The following PPP6R2 variants were observed in gnomAD, a reference collection of about 807,000 sequenced individuals.
PPP6R2 encodes protein phosphatase 6 regulatory subunit 2.
Under a neutral mutation model 100.2 loss-of-function variants are expected in PPP6R2, and 62 were observed. The observed-to-expected ratio is 0.62, with a 90% confidence interval of 0.50 to 0.76. The LOEUF (loss-of-function observed/expected upper bound fraction) is 0.76, where lower values mean the gene tolerates loss of function less well. Among genes scored for constraint, PPP6R2 ranks in the 30% least tolerant of loss-of-function variants. The pLI is 0.00. For synonymous variants in PPP6R2, 525 were observed against 514.7 expected (o/e 1.02, Z -0.27); for missense variants, 1,142 against 1,276.3 (o/e 0.89, Z 1.60).
intron 2 of PPP6R2, chr22:50,393,299 CG>C: frequency 1.4e-6 from 1 of 730,868 alleles, no homozygotes; most frequent in South Asian, 6.1e-5. Flanking sequence ...GTGGATGGGC[CG>C]GGTGGCTGGG....
At chr22:50,369,366 T>TA (rs1423561107) in intron 1 of PPP6R2, among the ~76,000 whole-genome samples, 5 of 152,320 alleles carry the variant, frequency 3.3e-5, no homozygotes, top group South Asian at 2.1e-4. Context: ...TAAAAAGTAT[T>TA]ACCTGTTTTA....
chr22:50,338,408 GTA>G (rs367697793), upstream of PPP6R2, among the ~76,000 whole-genome samples: 16,137 of 139,228 alleles, frequency 0.12, 2,832 homozygotes, highest in African/African-American at 0.4. Flanking sequence ...GGTGTGTGTG[GTA>G]TGTGTGTGTA....
rs112135319 is a variant in PPP6R2 at position 50,432,628 on chromosome 22, C to T, written c.1400+299C>T. ...TTTGCCCTCTTGTGGGTCCGCTGTC[C>T]GTTCCTGATCTTCCCCAGGAACTCG... On this transcript the variant is annotated intron_variant, in intron 12 of 23. Coordinates refer to ENST00000612753, the MANE Select transcript of PPP6R2 (RefSeq NM_001242898.2). Among the ~76,000 whole-genome samples, 238 of 152,344 alleles carry T rather than the reference C, an allele frequency of 1.6e-3. 1 individual carries two copies. The highest frequency in any genetic ancestry group is 5.4e-3 in the African/African-American group (226 of 41,580).
intron 8 of PPP6R2, among the ~76,000 whole-genome samples, chr22:50,421,184 C>G (rs1043964020): frequency 1.3e-5 from 2 of 152,120 alleles, no homozygotes; most frequent in African/African-American, 4.8e-5. Flanking sequence ...ACCGTTTTCT[C>G]TAGTTAGGCA....
intron 2 of PPP6R2, among the ~76,000 whole-genome samples, chr22:50,376,562 A>G (rs567105037): frequency 6.6e-6 from 1 of 151,914 alleles, no homozygotes; most frequent in African/African-American, 2.4e-5. Flanking sequence ...GGCTGGGACT[A>G]CAGGCACACA....
At chr22:50,406,424 A>G (rs905423918) in intron 3 of PPP6R2, among the ~76,000 whole-genome samples, 3 of 152,230 alleles carry the variant, frequency 2.0e-5, no homozygotes, top group Non-Finnish European at 4.4e-5. Flanking sequence ...GAGAAAGGTT[A>G]TTTAAAGAAT....
chr22:50,332,406 A>G, the PPP6R2 span, among the ~76,000 whole-genome samples: 2 of 151,382 alleles, frequency 1.3e-5, no homozygotes, highest in African/African-American at 2.4e-5. Flanking sequence ...AATTTTTTGT[A>G]TTTTTAGTAG....
chr22:50,397,168 G>A (rs150969244), intron 3 of PPP6R2, among the ~76,000 whole-genome samples: 97 of 152,222 alleles, frequency 6.4e-4, no homozygotes, highest in African/African-American at 1.8e-3. Flanking sequence ...GGAGACTTCC[G>A]TAAGTAAGCA....
rs185310455 is a variant in PPP6R2, at chr22:50,391,302, G to C, written c.-16-2591G>C. On this transcript the variant is annotated intron_variant, in intron 2 of 23. Coordinates refer to ENST00000612753, the MANE Select transcript of PPP6R2 (RefSeq NM_001242898.2). ...CAAAAAATCAGCTGGGCATGGTGGT[G>C]CATGCCTGTAATCCCAACTACTCAG... Among the ~76,000 whole-genome samples, 139 of 151,218 alleles carry C rather than the reference G, an allele frequency of 9.2e-4. 1 individual carries two copies. Among genetic ancestry groups the C allele is most frequent in the African/African-American group, 3.0e-3 (124 of 41,170 alleles).
At chr22:50,436,919 C>T (rs2064425971) in intron 14 of PPP6R2, 69 bp from the exon 15 acceptor site, 13 of 1,305,284 alleles carry the variant, frequency 1.0e-5, no homozygotes, top group Non-Finnish European at 1.3e-5. Flanking sequence ...TGGTCCTGGG[C>T]GCTGGGCTGG....
chr22:50,348,289 G>A (rs1160259962), intron 1 of PPP6R2, among the ~76,000 whole-genome samples: 2 of 152,166 alleles, frequency 1.3e-5, no homozygotes, highest in African/African-American at 2.4e-5. Context: ...ACATTGGCAC[G>A]TGGACAGCAG....
intron 2 of PPP6R2, among the ~76,000 whole-genome samples, chr22:50,390,126 G>A (rs1178224596): frequency 6.6e-6 from 1 of 151,258 alleles, no homozygotes; most frequent in African/African-American, 2.4e-5. Flanking sequence ...CAAGTAGCTG[G>A]GATTACAGGC....
At chr22:50,422,570 C>T (rs1195907261) in intron 9 of PPP6R2, among the ~76,000 whole-genome samples, 190 bp downstream of exon 9, 2 of 152,214 alleles carry the variant, frequency 1.3e-5, no homozygotes, top group African/African-American at 2.4e-5. Flanking sequence ...AGGACTGCCC[C>T]TCCCAGATCT....
Position 50,422,504 on chromosome 22 carries a change from G to A in PPP6R2, c.972+124G>A, listed in dbSNP as rs113575440. The A allele has an allele frequency of 6.9e-4, 898 of 1,302,518 alleles. 4 individuals are homozygous for A. In the African/African-American group the frequency reaches 8.1e-3, roughly 12 times the overall value. 80.7% of individuals were successfully genotyped at this position (1,302,518 alleles called of 1,614,324 possible). A position where few individuals can be genotyped will look rare whatever the true frequency, so the allele number is the denominator to read the frequency against. On this transcript the variant is annotated intron_variant, in intron 9 of 23. Transcript: ENST00000612753. The stretch of plus-strand genomic sequence containing the variant: ...GTGTGGAGTGAATGTGTTCTAAGAC[G>A]GCCATTCCCACACCCCCACTTGAGA...
rs903693672 is a variant in PPP6R2 at position 50,431,952 on chromosome 22, A to G, written c.1336-313A>G. Among the ~76,000 whole-genome samples, 2 of 152,114 alleles carry G rather than the reference A, an allele frequency of 1.3e-5. No homozygotes were observed. Among genetic ancestry groups the G allele is most frequent in the African/African-American group, 4.8e-5 (2 of 41,424 alleles). ...AGGAGAGTGGCCAAAGTGGAGGGCA[A>G]TGGAGAGACGGGGAGAAGGCCCAGG... On this transcript the variant is annotated intron_variant, in intron 11 of 23. Coordinates refer to ENST00000612753, the MANE Select transcript of PPP6R2 (RefSeq NM_001242898.2). This position sits in a 1 kb window ranked among gnomAD's most constrained non-coding sequence, Gnocchi z 4.8.
intron 13 of PPP6R2, 127 bp downstream of exon 13, chr22:50,435,208 C>T (rs1383101548): frequency 1.5e-6 from 1 of 665,666 alleles, no homozygotes; most frequent in Non-Finnish European, 2.4e-6. Flanking sequence ...GACCCATGGC[C>T]ACCTCTGTCC....
At chr22:50,355,528 C>CT (rs200137558) in intron 1 of PPP6R2, among the ~76,000 whole-genome samples, 5,794 of 112,628 alleles carry the variant, frequency 0.051, 152 homozygotes, top group East Asian at 0.14. Context: ...TGCGCCCGGC[C>CT]TTTTTTTTTT....
intron 19 of PPP6R2, among the ~76,000 whole-genome samples, chr22:50,439,102 C>T (rs1461706350): frequency 6.6e-6 from 1 of 152,182 alleles, no homozygotes; most frequent in African/African-American, 2.4e-5. Context: ...ACAGGCCGGC[C>T]GCCACCTTCA....
chr22:50,405,774 G>A (rs1483794052), intron 3 of PPP6R2, among the ~76,000 whole-genome samples: 13 of 131,358 alleles, frequency 9.9e-5, no homozygotes, highest in African/African-American at 3.8e-4. Flanking sequence ...CTGGAGAGAG[G>A]TGAGAGGCCT....
Sources: gnomAD v4.1 joint callset for allele counts (sites outside exome capture counted in the v4.1 genomes callset) on GRCh38, gnomAD v4.1.1 for gene constraint, Gnocchi (gnomAD v3.1) non-coding constraint, MANE v1.5 for transcripts, NCBI Gene and HGNC (gene_info 2026-07-23, HGNC 2026-07-21) for gene names.